Variants in RELN observed in about 807,000 individuals in gnomAD.
The protein encoded by RELN is reelin.
A neutral mutation model predicts 427.6 loss-of-function variants in RELN; 108 were observed. The ratio of observed to expected loss-of-function variants is 0.25; its 90% CI spans 0.22 to 0.30. The LOEUF (loss-of-function observed/expected upper bound fraction) is 0.30. RELN is among the 10% of genes least tolerant of loss of function. RELN has a pLI of 1.00. For synonymous variants in RELN, 1,524 were observed against 1,513.4 expected (o/e 1.01, Z -0.16); for missense variants, 3,715 against 4,302.8 (o/e 0.86, Z 3.82).
chr7:103,745,180 A>G, intron 6 of RELN, among the ~76,000 whole-genome samples: 1 of 152,146 alleles, frequency 6.6e-6, no homozygotes, highest in Non-Finnish European at 1.5e-5. Context: ...GATTATCTCA[A>G]TAGATGCAGA....
chr7:103,753,531 C>G (rs577059878), intron 4 of RELN, among the ~76,000 whole-genome samples: 1 of 152,240 alleles, frequency 6.6e-6, no homozygotes, highest in East Asian at 1.9e-4. Context: ...TAATGAATAA[C>G]AAAAACCTGG....
intron 1 of RELN, among the ~76,000 whole-genome samples, chr7:103,980,030 G>T (rs571886500): frequency 3.0e-4 from 45 of 151,868 alleles, no homozygotes; most frequent in Admixed American, 2.2e-3. Context: ...GTGTGGTGGC[G>T]CATGCCTATA....
intron 5 of RELN, among the ~76,000 whole-genome samples, chr7:103,750,243 G>A (rs1014113605): frequency 1.3e-5 from 2 of 152,208 alleles, no homozygotes; most frequent in Admixed American, 1.3e-4. Context: ...CTCCCAAAGT[G>A]CTGGGGTTAC....
chr7:103,796,860 C>A (rs1407546701), intron 3 of RELN, among the ~76,000 whole-genome samples: 14 of 113,754 alleles, frequency 1.2e-4, no homozygotes, highest in Non-Finnish European at 2.1e-4. Flanking sequence ...GGCAAGAGAG[C>A]TAGACTCCAT....
intron 2 of RELN, among the ~76,000 whole-genome samples, chr7:103,910,486 G>A (rs1795340115): frequency 6.6e-6 from 1 of 151,840 alleles, no homozygotes. Context: ...TTTCTTCACA[G>A]AATTGGAAAA....
intron 49 of RELN, among the ~76,000 whole-genome samples, chr7:103,516,311 G>A (rs1829565852): frequency 7.1e-6 from 1 of 141,562 alleles, no homozygotes; most frequent in Non-Finnish European, 1.5e-5. Flanking sequence ...TTGAGACAGA[G>A]ATCTCACTCT....
chr7:103,721,026 A>G (rs1264795284), intron 8 of RELN, among the ~76,000 whole-genome samples: 1 of 152,204 alleles, frequency 6.6e-6, no homozygotes, highest in Non-Finnish European at 1.5e-5. Flanking sequence ...TGTAGTAAGT[A>G]AATTCACCAA....
At position 103,502,911 on chromosome 7, in the gene RELN, G is replaced by A; in HGVS notation, c.8489+105C>T. On this transcript the variant is annotated intron_variant, in intron 52 of 64. Transcript: ENST00000428762. ...ACCTTTAGAGTTAGGGAGAAAGAAA[G>A]CACTTTACCCACAAATACACATAAT... 5 of 944,304 alleles carry A rather than the reference G, an allele frequency of 5.3e-6. No individual in the cohort carries two copies. The South Asian group carries it at 6.9e-5, about 13-fold the overall frequency. The allele number at this position is 944,304 out of a possible 1,614,324, so 58.5% of individuals were successfully genotyped here. A position where few individuals can be genotyped will look rare whatever the true frequency, so the allele number is the denominator to read the frequency against.
In RELN at chr7:103,498,145, A is replaced by G. The variant is rs780977074; in HGVS notation, c.8775T>C (p.Thr2925=). The G allele has an allele frequency of 6.2e-7, 1 of 1,614,174 alleles. No individual in the cohort carries two copies. Among genetic ancestry groups the G allele is most frequent in the South Asian group, 1.1e-5 (1 of 91,084 alleles). Residue 2925 remains threonine, a synonymous_variant, in exon 54 of 65, where the codon ACT becomes ACC. Coordinates refer to ENST00000428762, the MANE Select transcript of RELN (RefSeq NM_005045.4). Reference sequence around the variant, plus strand: ...CAGTGGATCCCCCAAAATAGAGTGCAGTGTCCTCGGCAAGAATTCCACACT... The same window carrying G: ...CAGTGGATCCCCCAAAATAGAGTGCGGTGTCCTCGGCAAGAATTCCACACT... ...CTECGILAED[T]ALYFGGSTVR...
chr7:103,480,532 C>A (rs1196355092), intron 63 of RELN, among the ~76,000 whole-genome samples: 3 of 152,044 alleles, frequency 2.0e-5, no homozygotes, highest in African/African-American at 7.2e-5. Flanking sequence ...ACTCTAAGAC[C>A]AGAGCAAAAC....
intron 3 of RELN, among the ~76,000 whole-genome samples, chr7:103,808,149 G>T (rs528838872): frequency 6.6e-6 from 1 of 151,648 alleles, no homozygotes; most frequent in Non-Finnish European, 1.5e-5. Context: ...AAATATGAGA[G>T]TCTCCAGGTA....
chr7:103,679,139 G>C (rs1272383276), intron 11 of RELN, among the ~76,000 whole-genome samples: 1 of 152,164 alleles, frequency 6.6e-6, no homozygotes. Context: ...TGGGACCAGG[G>C]GGGAGGGCGG....
At chr7:103,876,171 T>C (rs754476813) in intron 2 of RELN, among the ~76,000 whole-genome samples, 6 of 152,188 alleles carry the variant, frequency 3.9e-5, no homozygotes, top group Non-Finnish European at 8.8e-5. Flanking sequence ...TAGGAATAAC[T>C]TGTACGGAAA....
chr7:103,647,960 C>T (rs139931692), intron 16 of RELN, among the ~76,000 whole-genome samples: 1 of 152,050 alleles, frequency 6.6e-6, no homozygotes, highest in East Asian at 1.9e-4. Context: ...GAAAGAACAC[C>T]CTATTCAATA....
rs190273986 is a variant in RELN at position 103,526,428 on chromosome 7, G to A, written c.7350-2897C>T. 2.1e-3 allele frequency among the ~76,000 whole-genome samples: 321 copies of A among 152,200 alleles called. 1 individual carries two copies. Among genetic ancestry groups the A allele is most frequent in the Non-Finnish European group, 3.5e-3 (236 of 68,012 alleles). On this transcript the variant is annotated intron_variant, in intron 46 of 64. Transcript: ENST00000428762. ...TGGCACTAGTAGGTTCTATGTCCAC[G>A]GTGAGTAACTAAACATGTATAATAA...
intron 3 of RELN, among the ~76,000 whole-genome samples, chr7:103,817,741 G>T (rs1705424759): frequency 6.6e-6 from 1 of 152,022 alleles, no homozygotes; most frequent in African/African-American, 2.4e-5. Flanking sequence ...GAGGTCAGGA[G>T]TTTGAGGCAA....
chr7:103,748,986 CAG>C (rs1377252241), intron 6 of RELN, among the ~76,000 whole-genome samples: 2 of 152,126 alleles, frequency 1.3e-5, no homozygotes, highest in African/African-American at 2.4e-5. Flanking sequence ...AAAAATCCCA[CAG>C]AGTTACACTT....
In RELN at chr7:103,839,963, C is replaced by T. The variant is rs148181063; in HGVS notation, c.338-6291G>A. Among the ~76,000 whole-genome samples the T allele has an allele frequency of 3.8e-3, 572 of 152,208 alleles. 3 individuals carry two copies. Among genetic ancestry groups the T allele is most frequent in the Non-Finnish European group, 6.6e-3 (446 of 68,000 alleles). ...ATTTCCCTCTTGCTGTTCTCGTGAT[C>T]GTGAGTTCTCACGAGATCTGGTTGT... On this transcript the variant is annotated intron_variant, in intron 2 of 64. Coordinates refer to ENST00000428762, the MANE Select transcript of RELN (RefSeq NM_005045.4).
intron 1 of RELN, among the ~76,000 whole-genome samples, chr7:103,963,319 A>T (rs1026389673): frequency 1.3e-5 from 2 of 152,284 alleles, no homozygotes; most frequent in African/African-American, 4.8e-5. Context: ...ACTACAAAGC[A>T]TTTTCACATA....
Sources: gnomAD v4.1 joint callset for allele counts (sites outside exome capture counted in the v4.1 genomes callset) on GRCh38, gnomAD v4.1.1 for gene constraint, MANE v1.5 for transcripts, NCBI Gene and HGNC (gene_info 2026-07-23, HGNC 2026-07-21) for gene names.